The following STK3 variants were observed in gnomAD, a reference collection of about 807,000 sequenced individuals.
The protein encoded by STK3 is serine/threonine-protein kinase 3.
STK3 carries 41 observed loss-of-function variants against 58.0 expected under a neutral mutation model. The observed-to-expected ratio is 0.71, with a 90% CI of 0.55 to 0.92. The LOEUF (loss-of-function observed/expected upper bound fraction) is 0.92, where lower values mean the gene tolerates loss of function less well. Ranked by LOEUF, STK3 falls within the 40% of genes least tolerant of loss-of-function variation. STK3 has a pLI of 0.00. For missense variants in STK3, 479 were observed against 602.7 expected (o/e 0.79, Z 2.15); for synonymous variants, 170 against 191.0 (o/e 0.89, Z 0.91).
In STK3 at chr8:98,766,656, C is replaced by T. The variant is rs1830970176; in HGVS notation, c.236+587G>A. Among the ~76,000 whole-genome samples, 8 of 152,246 alleles carry T rather than the reference C, an allele frequency of 5.3e-5. No individual in the cohort carries two copies. The South Asian group carries it at 1.7e-3, about 32-fold the overall frequency. On this transcript the variant is annotated intron_variant, in intron 3 of 10. Coordinates refer to ENST00000419617, the MANE Select transcript of STK3 (RefSeq NM_006281.4). ...GCCTTGAACTCCTGGGCTCCTTTAC[C>T]CTCGATGCTCTGGCCTCTCTAAGGG...
At chr8:98,386,964 GAACA>G (rs1162743696) in intron 1 of STK3, among the ~76,000 whole-genome samples, 3 of 151,300 alleles carry the variant, frequency 2.0e-5, no homozygotes, top group African/African-American at 7.3e-5. Context: ...TCTCAAAAAC[GAACA>G]AACAAACAAA....
the STK3 span, among the ~76,000 whole-genome samples, chr8:98,364,551 C>T: frequency 6.6e-6 from 1 of 152,238 alleles, no homozygotes; most frequent in Admixed American, 6.5e-5. Flanking sequence ...GCAGCATGCC[C>T]CAGCATGCGC....
At chr8:98,453,732 C>A (rs113446376), downstream of STK3, among the ~76,000 whole-genome samples, 5 of 152,292 alleles carry the variant, frequency 3.3e-5, no homozygotes, top group African/African-American at 1.2e-4. Flanking sequence ...CATACATTTT[C>A]TAATTTAGCA....
chr8:98,418,908 C>T (rs931290777), intron 3 of STK3, among the ~76,000 whole-genome samples: 1 of 152,242 alleles, frequency 6.6e-6, no homozygotes, highest in African/African-American at 2.4e-5. Context: ...CAAAGACATG[C>T]AGTCAGTGCA....
At chr8:98,379,825 T>A (rs1817714626) in intron 1 of STK3, among the ~76,000 whole-genome samples, 1 of 152,202 alleles carries the variant, frequency 6.6e-6, no homozygotes, top group Admixed American at 6.5e-5. Context: ...GAAATCGGGA[T>A]CTTGAAGAGA....
At chr8:98,907,370 C>T (rs1409881914) in intron 1 of STK3, among the ~76,000 whole-genome samples, 1 of 151,470 alleles carries the variant, frequency 6.6e-6, no homozygotes, top group African/African-American at 2.4e-5. Context: ...AAAAATTAGC[C>T]AGGCGTGGTG....
chr8:98,771,134 C>A (rs1831292721), intron 2 of STK3, among the ~76,000 whole-genome samples: 1 of 152,170 alleles, frequency 6.6e-6, no homozygotes, highest in Non-Finnish European at 1.5e-5. Flanking sequence ...ATAGAATCTG[C>A]TTTCTGTCTC....
In STK3 at chr8:98,672,907, G is replaced by A. The variant is rs1190500994; in HGVS notation, c.684+33560C>T. Among the ~76,000 whole-genome samples the A allele has an allele frequency of 2.6e-5, 4 of 152,144 alleles. No homozygotes were observed. In the East Asian group the frequency reaches 5.8e-4, roughly 22 times the overall value. On this transcript the variant is annotated intron_variant, in intron 6 of 10. Coordinates refer to ENST00000419617, the MANE Select transcript of STK3 (RefSeq NM_006281.4). ...TATGCAGGTTTAAATTTTACATACA[G>A]AGAAGCCATATAATTATTGTGAAAT...
At chr8:98,716,344 A>T (rs1827013130) in intron 4 of STK3, among the ~76,000 whole-genome samples, 1 of 152,114 alleles carries the variant, frequency 6.6e-6, no homozygotes, top group African/African-American at 2.4e-5. Context: ...AACCCAAGAA[A>T]ATCAGATATA....
chr8:98,842,400 T>C (rs1030068070), intron 3 of STK3, among the ~76,000 whole-genome samples: 9 of 152,154 alleles, frequency 5.9e-5, no homozygotes, highest in East Asian at 1.9e-4. Context: ...ACCATGGAAA[T>C]TGGCCAGCCT....
chr8:98,495,559 T>C (rs990540768), intron 10 of STK3, among the ~76,000 whole-genome samples: 4 of 152,194 alleles, frequency 2.6e-5, no homozygotes, highest in African/African-American at 9.7e-5. Context: ...CTGTTTTTAA[T>C]TACATACTTA....
intron 9 of STK3, 84 bp from the exon 10 acceptor site, chr8:98,527,001 G>T (rs1357391036): frequency 1.7e-6 from 2 of 1,196,530 alleles, no homozygotes; most frequent in Non-Finnish European, 2.2e-6. Context: ...TTTTTATGAA[G>T]CCATATAATA....
chr8:98,912,783 C>T (rs894673510), intron 1 of STK3, among the ~76,000 whole-genome samples: 1 of 152,206 alleles, frequency 6.6e-6, no homozygotes, highest in Non-Finnish European at 1.5e-5. Context: ...AATCCTAACC[C>T]ACCTGAAGCA....
chr8:98,921,072 G>C (rs1564105699), intron 1 of STK3, among the ~76,000 whole-genome samples: 1 of 152,190 alleles, frequency 6.6e-6, no homozygotes, highest in Non-Finnish European at 1.5e-5. Flanking sequence ...GATCAGCCTG[G>C]TGCAAATGGA....
intron 10 of STK3, among the ~76,000 whole-genome samples, chr8:98,456,682 C>T (rs1819514233): frequency 6.6e-6 from 1 of 152,182 alleles, no homozygotes; most frequent in Non-Finnish European, 1.5e-5. Flanking sequence ...TCAAGAGATC[C>T]TCCTGCCTTG....
intron 1 of STK3, among the ~76,000 whole-genome samples, chr8:98,900,503 A>G (rs764802938): frequency 5.3e-5 from 8 of 152,132 alleles, no homozygotes; most frequent in Non-Finnish European, 1.0e-4. Flanking sequence ...TCCCCTCCCC[A>G]GCTTTAGTGA....
chr8:98,662,839 C>G (rs942283545), intron 6 of STK3, among the ~76,000 whole-genome samples: 5 of 151,918 alleles, frequency 3.3e-5, no homozygotes, highest in Non-Finnish European at 7.4e-5. Flanking sequence ...CCCAACCCCA[C>G]AACAGGCCCC....
intron 8 of STK3, among the ~76,000 whole-genome samples, chr8:98,564,850 G>C (rs1192020312): frequency 6.6e-6 from 1 of 151,920 alleles, no homozygotes; most frequent in Non-Finnish European, 1.5e-5. Context: ...AGAACATTAG[G>C]TAAAAACTAA....
intron 3 of STK3, chr8:98,413,346 A>G (rs1392499083): frequency 5.9e-6 from 3 of 511,836 alleles, no homozygotes; most frequent in African/African-American, 1.9e-5. Context: ...TTGCTGGTAC[A>G]CCTACTTGAG....
Sources: gnomAD v4.1 joint callset for allele counts (sites outside exome capture counted in the v4.1 genomes callset) on GRCh38, gnomAD v4.1.1 for gene constraint, MANE v1.5 for transcripts, NCBI Gene and HGNC (gene_info 2026-07-23, HGNC 2026-07-21) for gene names.